PTPN14: variants seen among roughly 807,000 people sequenced by gnomAD.
PTPN14 encodes the protein protein tyrosine phosphatase non-receptor type 14.
PTPN14 carries 53 observed loss-of-function variants against 126.8 expected under a neutral mutation model. That is an observed-to-expected ratio of 0.42 (90% CI 0.34 to 0.53). PTPN14 has a LOEUF of 0.53. Among genes scored for constraint, PTPN14 ranks in the 20% least tolerant of loss-of-function variants. The pLI is 0.08. For synonymous variants in PTPN14, 630 were observed against 599.3 expected (o/e 1.05, Z -0.75); for missense variants, 1,257 against 1,552.9 (o/e 0.81, Z 3.20).
intron 10 of PTPN14, among the ~76,000 whole-genome samples, chr1:214,392,662 G>A (rs1380523388): frequency 2.0e-5 from 3 of 152,118 alleles, no homozygotes; most frequent in African/African-American, 4.8e-5. Context: ...ACGTACAGCC[G>A]CTTCACTTGC....
chr1:214,495,099 G>A (rs1661331038), intron 1 of PTPN14, among the ~76,000 whole-genome samples: 1 of 152,152 alleles, frequency 6.6e-6, no homozygotes. Flanking sequence ...TCATTAAGGT[G>A]AAAAAATCTA....
intron 1 of PTPN14, among the ~76,000 whole-genome samples, chr1:214,492,587 T>TAG (rs1661274326): frequency 6.6e-6 from 1 of 152,190 alleles, no homozygotes; most frequent in Non-Finnish European, 1.5e-5. Context: ...AGGCATTCCT[T>TAG]GCTGGTGCCG....
At chr1:214,422,955 ATACT>A (rs1352742031) in intron 3 of PTPN14, among the ~76,000 whole-genome samples, 2 of 152,180 alleles carry the variant, frequency 1.3e-5, no homozygotes, top group Non-Finnish European at 2.9e-5. Flanking sequence ...ATGGAAGTAA[ATACT>A]TAATTCTATA....
rs1194062989 is a variant in PTPN14 at position 214,389,781 on chromosome 1, C to T, written c.987+1207G>A. Among the ~76,000 whole-genome samples the T allele has an allele frequency of 3.9e-5, 6 of 152,112 alleles. No homozygotes were observed. In the East Asian group the frequency reaches 9.6e-4, roughly 24 times the overall value. ...TATTTTGCTAATAAAGACATCTATA[C>T]TCTAAAGAAGGGAAAAGGAAGATAA... is the stretch of plus-strand genomic sequence containing the variant. On this transcript the variant is annotated intron_variant, in intron 11 of 18. Transcript: ENST00000366956.
At chr1:214,464,504 T>A (rs528591378) in intron 2 of PTPN14, 126 bp downstream of exon 2, 1 of 1,258,390 alleles carries the variant, frequency 7.9e-7, no homozygotes, top group South Asian at 1.5e-5. Context: ...TATAAACACA[T>A]CGTCGCTTAG....
At position 214,363,634 on chromosome 1, in the gene PTPN14, C is replaced by T. The variant is rs141128111; in HGVS notation, c.3435+878G>A. Among the ~76,000 whole-genome samples, 123 of 152,290 alleles carry T rather than the reference C, an allele frequency of 8.1e-4. 1 individual carries two copies. The highest frequency in any genetic ancestry group is 2.7e-3 in the African/African-American group (112 of 41,550). ...CTTGCTTCTGGCTTCAGTACCACTG[C>T]GTAAGAGCCACATGGCACTAGACAA... On this transcript the variant is annotated intron_variant, in intron 18 of 18. Coordinates refer to ENST00000366956, the MANE Select transcript of PTPN14 (RefSeq NM_005401.5).
At chr1:214,411,130 T>C (rs1239397324) in intron 5 of PTPN14, among the ~76,000 whole-genome samples, 1 of 152,336 alleles carries the variant, frequency 6.6e-6, no homozygotes, top group East Asian at 1.9e-4. Flanking sequence ...CAATGTTTTA[T>C]AGTTTCCAGC....
chr1:214,379,490 A>G (rs1257690714), intron 13 of PTPN14, among the ~76,000 whole-genome samples: 2 of 152,202 alleles, frequency 1.3e-5, no homozygotes, highest in Non-Finnish European at 2.9e-5. Flanking sequence ...CATCAGACAA[A>G]CCAAAGGAGT....
At chr1:214,523,624 T>C (rs1655316087) in intron 1 of PTPN14, among the ~76,000 whole-genome samples, 1 of 152,140 alleles carries the variant, frequency 6.6e-6, no homozygotes, top group Admixed American at 6.5e-5. Flanking sequence ...TACCCCCTTG[T>C]TAAGCAACCA....
intron 11 of PTPN14, 128 bp downstream of exon 11, chr1:214,390,860 G>T (rs1658733557): frequency 8.6e-6 from 6 of 700,994 alleles, no homozygotes; most frequent in Non-Finnish European, 1.3e-5. Flanking sequence ...CTGCTTGACA[G>T]AATGACGCCT....
intron 1 of PTPN14, among the ~76,000 whole-genome samples, chr1:214,475,084 G>A (rs1385789824): frequency 6.6e-6 from 1 of 152,130 alleles, no homozygotes; most frequent in Non-Finnish European, 1.5e-5. Flanking sequence ...TGGGAGACAG[G>A]TATGTCAGGG....
At chr1:214,486,498 G>C (rs59059621) in intron 1 of PTPN14, among the ~76,000 whole-genome samples, 152 of 152,324 alleles carry the variant, frequency 1.0e-3, no homozygotes, top group African/African-American at 3.5e-3. Context: ...ATAACTTACA[G>C]CTCACCGCCT....
chr1:214,399,047 G>T (rs1427163400), intron 7 of PTPN14, among the ~76,000 whole-genome samples: 4 of 152,186 alleles, frequency 2.6e-5, no homozygotes, highest in Non-Finnish European at 4.4e-5. Context: ...GATTACAGGC[G>T]TGAGCCACCG....
intron 3 of PTPN14, among the ~76,000 whole-genome samples, chr1:214,443,555 A>G (rs1276315885): frequency 1.3e-5 from 2 of 152,140 alleles, no homozygotes; most frequent in Non-Finnish European, 2.9e-5. Flanking sequence ...AATAAATCGC[A>G]AGATAACAAC....
At chr1:214,398,121 G>A (rs58784045) in intron 7 of PTPN14, 120 bp from the exon 8 acceptor site, 28 of 756,218 alleles carry the variant, frequency 3.7e-5, no homozygotes, top group East Asian at 2.4e-4. Context: ...TAAAGAAAAC[G>A]TGGTACATGT....
At chr1:214,446,630 C>T (rs1660147285) in intron 3 of PTPN14, among the ~76,000 whole-genome samples, 2 of 152,026 alleles carry the variant, frequency 1.3e-5, no homozygotes, top group South Asian at 2.1e-4. Flanking sequence ...TAAAAATTTC[C>T]ATGGGTGTGA....
At chr1:214,525,350 A>G (rs1252340581) in intron 1 of PTPN14, among the ~76,000 whole-genome samples, 2 of 152,220 alleles carry the variant, frequency 1.3e-5, no homozygotes, top group Non-Finnish European at 2.9e-5. Context: ...AATATATCCA[A>G]ACAAAATTAA....
chr1:214,477,126 C>G (rs369426051), intron 1 of PTPN14, among the ~76,000 whole-genome samples: 1 of 152,280 alleles, frequency 6.6e-6, no homozygotes, highest in East Asian at 1.9e-4. Context: ...TGTGACCACT[C>G]CAGTGAATCA....
Position 214,351,112 on chromosome 1 carries a change from C to T in PTPN14, c.*6810G>A, listed in dbSNP as rs1211185726. The T allele has an allele frequency of 6.6e-6, 1 of 151,326 alleles. No individual in the cohort carries two copies. Among genetic ancestry groups the T allele is most frequent in the African/African-American group, 2.4e-5 (1 of 41,154 alleles). 9.4% of individuals were successfully genotyped at this position (151,326 alleles called of 1,614,324 possible). On this transcript the variant is annotated 3_prime_UTR_variant, in exon 19 of 19. Transcript: ENST00000366956. The stretch of plus-strand genomic sequence containing the variant: ...GGTGTAATCCCAGCACTTTGGGAGG[C>T]CGAGGGGGGTCATCACGAGGTCAGA...
Sources: allele counts gnomAD v4.1 joint callset (sites outside exome capture counted in the v4.1 genomes callset), GRCh38; gene constraint gnomAD v4.1.1; transcripts MANE v1.5; gene names NCBI Gene and HGNC (gene_info 2026-07-23, HGNC 2026-07-21).